Variants in PRKN observed in about 807,000 individuals in gnomAD.
PRKN encodes the protein E3 ubiquitin-protein ligase parkin.
In PRKN, 56 loss-of-function variants were observed where a neutral mutation model predicts 59.5. The ratio of observed to expected loss-of-function variants is 0.94; its 90% confidence interval spans 0.76 to 1.18. The LOEUF (loss-of-function observed/expected upper bound fraction) is 1.18. Ranked by LOEUF, PRKN falls within the 50% of genes most tolerant of loss-of-function variation. The pLI, the probability that PRKN is intolerant of heterozygous loss-of-function variation, is 0.00. For missense variants in PRKN, 657 were observed against 596.4 expected (o/e 1.10, Z -1.06); for synonymous variants, 250 against 222.1 (o/e 1.13, Z -1.12).
rs1277010827 is a variant in PRKN at position 161,395,841 on chromosome 6, C to T, written c.1084-8964G>A. Among the ~76,000 whole-genome samples, 1 of 152,178 alleles carries T rather than the reference C, an allele frequency of 6.6e-6. No homozygotes were observed. Among genetic ancestry groups the T allele is most frequent in the Non-Finnish European group, 1.5e-5 (1 of 68,038 alleles). The stretch of plus-strand genomic sequence containing the variant: ...TCAGCTCAACACACATGGAGCTGGT[C>T]GTCTCATTCTGATGGGCCTGAATCT... On this transcript the variant is annotated intron_variant, in intron 9 of 11. Transcript: ENST00000366898. This position sits in a 1 kb window ranked among gnomAD's most constrained non-coding sequence, Gnocchi z 5.0.
chr6:162,516,518 G>T (rs951363994), intron 1 of PRKN, among the ~76,000 whole-genome samples: 2 of 152,116 alleles, frequency 1.3e-5, no homozygotes, highest in Non-Finnish European at 2.9e-5. Flanking sequence ...TTGGGAGGCC[G>T]AGGTGGGCGG....
intron 9 of PRKN, among the ~76,000 whole-genome samples, chr6:161,540,292 T>C (rs1043162519): frequency 2.0e-5 from 3 of 152,252 alleles, no homozygotes; most frequent in Non-Finnish European, 2.9e-5. Flanking sequence ...TTTATCATTA[T>C]ATAAGTTATT....
At chr6:162,470,093 C>T (rs995377257) in intron 1 of PRKN, among the ~76,000 whole-genome samples, 8 of 152,096 alleles carry the variant, frequency 5.3e-5, no homozygotes, top group South Asian at 2.1e-4. Context: ...TGAAGCATCT[C>T]GTGAGGAAGT....
chr6:162,192,969 T>C (rs992636150), intron 4 of PRKN, among the ~76,000 whole-genome samples: 15 of 152,128 alleles, frequency 9.9e-5, no homozygotes, highest in African/African-American at 3.4e-4. Flanking sequence ...GGAACTTGCG[T>C]CTGCAAGACC....
intron 6 of PRKN, among the ~76,000 whole-genome samples, chr6:161,971,451 GC>G: frequency 6.6e-6 from 1 of 152,170 alleles, no homozygotes; most frequent in South Asian, 2.1e-4. Flanking sequence ...TAAATTACCT[GC>G]TGCTATCAGC....
intron 7 of PRKN, among the ~76,000 whole-genome samples, chr6:161,589,223 C>T (rs183304519): frequency 2.6e-5 from 4 of 152,310 alleles, no homozygotes; most frequent in African/African-American, 9.6e-5. Flanking sequence ...GCAGAGACGC[C>T]CCGCTGCTGA....
chr6:162,261,277 G>A (rs991574719), intron 3 of PRKN, among the ~76,000 whole-genome samples: 1 of 152,134 alleles, frequency 6.6e-6, no homozygotes, highest in Non-Finnish European at 1.5e-5. Context: ...CTTCTACTCT[G>A]TTTTTAGAGC....
At chr6:162,414,519 A>T (rs1200284685) in intron 2 of PRKN, among the ~76,000 whole-genome samples, 2 of 151,722 alleles carry the variant, frequency 1.3e-5, no homozygotes, top group African/African-American at 2.4e-5. Context: ...CATCCTGGCT[A>T]ACATGGTGAA....
At chr6:162,464,586 C>T (rs1444767998) in intron 1 of PRKN, among the ~76,000 whole-genome samples, 5 of 147,596 alleles carry the variant, frequency 3.4e-5, no homozygotes, top group East Asian at 2.0e-4. Context: ...GAGGCCGAGG[C>T]GTGTGGATCA....
intron 2 of PRKN, among the ~76,000 whole-genome samples, chr6:162,366,815 C>T (rs1785464317): frequency 6.6e-6 from 1 of 152,108 alleles, no homozygotes; most frequent in South Asian, 2.1e-4. Flanking sequence ...AGGAGAATAG[C>T]TTGAACCCGG....
intron 1 of PRKN, among the ~76,000 whole-genome samples, chr6:162,616,497 G>A (rs565636390): frequency 7.8e-4 from 119 of 152,150 alleles, no homozygotes; most frequent in African/African-American, 2.8e-3. Context: ...CCAGTGGTAA[G>A]CATATAATTG....
intron 2 of PRKN, among the ~76,000 whole-genome samples, chr6:162,351,126 G>C (rs1784607312): frequency 6.6e-6 from 1 of 152,164 alleles, no homozygotes; most frequent in Non-Finnish European, 1.5e-5. Context: ...AGGAGGTTGA[G>C]TCTGCAGTGA....
At chr6:162,064,940 T>G (rs1778266520) in intron 4 of PRKN, among the ~76,000 whole-genome samples, 1 of 152,236 alleles carries the variant, frequency 6.6e-6, no homozygotes, top group Non-Finnish European at 1.5e-5. Flanking sequence ...TTTGAAATCC[T>G]AAAAGTCTCT....
intron 6 of PRKN, among the ~76,000 whole-genome samples, chr6:161,857,417 T>G (rs941952897): frequency 6.6e-6 from 1 of 152,194 alleles, no homozygotes; most frequent in African/African-American, 2.4e-5. Context: ...GGATCCTAGT[T>G]TGCTGACACC....
intron 2 of PRKN, among the ~76,000 whole-genome samples, chr6:162,402,629 T>C (rs1016311513): frequency 6.6e-6 from 1 of 151,108 alleles, no homozygotes; most frequent in African/African-American, 2.4e-5. Context: ...GTGTCTTTCC[T>C]TGTCATATAT....
chr6:162,111,201 C>G (rs1027310989), intron 4 of PRKN, among the ~76,000 whole-genome samples: 2 of 152,142 alleles, frequency 1.3e-5, no homozygotes, highest in African/African-American at 4.8e-5. Context: ...CACAGTAGAT[C>G]ACGCCTTTAA....
intron 7 of PRKN, among the ~76,000 whole-genome samples, chr6:161,691,948 T>G (rs1379676161): frequency 6.6e-6 from 1 of 151,484 alleles, no homozygotes; most frequent in Non-Finnish European, 1.5e-5. Flanking sequence ...GATGACACTG[T>G]CATCACACAC....
intron 6 of PRKN, among the ~76,000 whole-genome samples, chr6:161,855,399 A>C (rs555617421): frequency 6.6e-6 from 1 of 152,338 alleles, no homozygotes; most frequent in East Asian, 1.9e-4. Flanking sequence ...TTCTTCATTT[A>C]GAATTTGGAT....
rs940833314 is a variant in PRKN at position 162,203,585 on chromosome 6, C to T, written c.413-2333G>A. Among the ~76,000 whole-genome samples the T allele has an allele frequency of 2.6e-5, 4 of 152,170 alleles. No homozygotes were observed. The East Asian group carries it at 7.7e-4, about 29-fold the overall frequency. On this transcript the variant is annotated intron_variant, in intron 3 of 11. Coordinates refer to ENST00000366898, the MANE Select transcript of PRKN (RefSeq NM_004562.3). ...GACAGGCATGAAAACAAATAACACC[C>T]CGACAATCTTCTGGGCAAGGTTCCC... is the stretch of plus-strand genomic sequence containing the variant.
Sources: allele counts gnomAD v4.1 joint callset (sites outside exome capture counted in the v4.1 genomes callset), GRCh38; gene constraint gnomAD v4.1.1; non-coding constraint Gnocchi (gnomAD v3.1); transcripts MANE v1.5; gene names NCBI Gene and HGNC (gene_info 2026-07-23, HGNC 2026-07-21).